Variants in MTCL1 observed in about 807,000 individuals in gnomAD.
MTCL1 encodes the protein microtubule cross-linking factor 1.
A neutral mutation model predicts 141.4 loss-of-function variants in MTCL1; 79 were observed. The ratio of observed to expected loss-of-function variants is 0.56; its 90% CI spans 0.47 to 0.67. The LOEUF is 0.67. Ranked by LOEUF, MTCL1 falls within the 30% of genes least tolerant of loss-of-function variation. MTCL1 has a pLI of 0.00. For missense variants in MTCL1, 2,177 were observed against 2,113.9 expected, an observed-to-expected ratio of 1.03 and a Z score of -0.59; for synonymous variants, 914 against 875.8, an observed-to-expected ratio of 1.04 and a Z score of -0.77.
chr18:8,749,119 C>T (rs760801482), intron 4 of MTCL1, among the ~76,000 whole-genome samples: 1 of 152,190 alleles, frequency 6.6e-6, no homozygotes, highest in African/African-American at 2.4e-5. Context: ...GTGGAGCCTT[C>T]GATCAGCCAG....
At position 8,709,197 on chromosome 18, in the gene MTCL1, G is replaced by A. The variant is rs2096073666; in HGVS notation, c.1053+2484G>A. Among the ~76,000 whole-genome samples, 3 of 131,024 alleles carry A rather than the reference G, an allele frequency of 2.3e-5. No individual in the cohort carries two copies. In the South Asian group the frequency reaches 7.8e-4, roughly 34 times the overall value. The allele number at this position is 131,024 out of a possible 152,430, so 86.0% of individuals were successfully genotyped here. A position where few individuals can be genotyped will look rare whatever the true frequency, so the allele number is the denominator to read the frequency against. On this transcript the variant is annotated intron_variant, in intron 1 of 13. Coordinates refer to the MTCL1 transcript ENST00000306329. Reference sequence around the variant, plus strand: ...TTCAGGGGTATTTTTTCCGTTTTTTGTGGTTTTTTTTTGAAGGGATGGTCT... The same window carrying A: ...TTCAGGGGTATTTTTTCCGTTTTTTATGGTTTTTTTTTGAAGGGATGGTCT...
At position 8,705,670 on chromosome 18, in the gene MTCL1, C is replaced by G; in HGVS notation, c.10C>G (p.Leu4Val). ...GCCGGCGGACCCGGCCATGGAGACA[C>G]TGAACGGCCCCGCGGGCGGAGGTGC... Residue 4 changes from leucine (L) to valine (V), a missense_variant, in exon 1 of 14, where the codon CTG becomes GTG. Coordinates refer to the MTCL1 transcript ENST00000306329. This position sits in a 1 kb window ranked among gnomAD's most constrained non-coding sequence, Gnocchi z 5.2. 8.3e-7 allele frequency: 1 copy of G among 1,201,566 alleles called. No homozygotes were observed. The highest frequency in any genetic ancestry group is 1.6e-5 in the African/African-American group (1 of 62,934). The allele number at this position is 1,201,566 out of a possible 1,614,324, so 74.4% of individuals were successfully genotyped here.
At chr18:8,788,451 C>T (rs544582410) in intron 7 of MTCL1, among the ~76,000 whole-genome samples, 2 of 152,284 alleles carry the variant, frequency 1.3e-5, no homozygotes, top group African/African-American at 4.8e-5. Flanking sequence ...CCTCAAGCTG[C>T]ACTTACAAAA....
chr18:8,819,096 C>T, exon 13 of MTCL1: 1 of 1,614,264 alleles, frequency 6.2e-7, no homozygotes, highest in Non-Finnish European at 8.5e-7. Flanking sequence ...TGTGCAGATG[C>T]TGACTCCATC....
upstream of MTCL1, among the ~76,000 whole-genome samples, chr18:8,716,494 C>T (rs2096128986): frequency 6.6e-6 from 1 of 151,200 alleles, no homozygotes; most frequent in Non-Finnish European, 1.5e-5. Flanking sequence ...TAAGGATTCA[C>T]ATTTTTATTT....
chr18:8,735,742 T>G (rs1029271520), intron 4 of MTCL1, among the ~76,000 whole-genome samples: 6 of 152,072 alleles, frequency 3.9e-5, no homozygotes, highest in African/African-American at 1.5e-4. Context: ...GCTGAGTGTT[T>G]CCCGATGCTC....
chr18:8,813,059 G>C, exon 12 of MTCL1: 1 of 1,614,206 alleles, frequency 6.2e-7, no homozygotes, highest in Non-Finnish European at 8.5e-7. Flanking sequence ...AGGAGAGAGA[G>C]GTGCACCAGA....
At chr18:8,726,530 AGTGC>A (rs2096215499) in intron 4 of MTCL1, among the ~76,000 whole-genome samples, 1 of 112,832 alleles carries the variant, frequency 8.9e-6, no homozygotes, top group Non-Finnish European at 1.7e-5. Context: ...AGAGAGAGCG[AGTGC>A]GCATGCGCGC....
intron 1 of MTCL1, among the ~76,000 whole-genome samples, chr18:8,708,688 T>A (rs527297775): frequency 6.6e-6 from 1 of 152,352 alleles, no homozygotes; most frequent in East Asian, 1.9e-4. Context: ...GGTGAGCTTT[T>A]CTAGGGGCCC....
intron 16 of MTCL1, chr18:8,829,760 G>A (rs776147625): frequency 1.0e-6 from 1 of 985,254 alleles, no homozygotes; most frequent in Non-Finnish European, 1.2e-6. Context: ...CCAGAAACGT[G>A]CTACAGGGGC....
At chr18:8,747,545 T>C (rs1238689414) in intron 4 of MTCL1, among the ~76,000 whole-genome samples, 2 of 152,218 alleles carry the variant, frequency 1.3e-5, no homozygotes, top group African/African-American at 4.8e-5. Context: ...GCCTTCTCTG[T>C]GTGTGTGTCT....
intron 4 of MTCL1, among the ~76,000 whole-genome samples, chr18:8,759,738 T>G (rs1271149466): frequency 1.3e-5 from 2 of 152,136 alleles, no homozygotes; most frequent in African/African-American, 4.8e-5. Flanking sequence ...AATGTCAACG[T>G]GTTATTATAA....
In MTCL1 at chr18:8,711,965, G is replaced by C. The variant is rs114403159; in HGVS notation, c.1053+5252G>C. On this transcript the variant is annotated intron_variant, in intron 1 of 13. Coordinates refer to the MTCL1 transcript ENST00000306329. ...GACAGTCAGACAAGCCGGAGTGCTC[G>C]TTGTCAACATATTAATTATGTTCTC... Among the ~76,000 whole-genome samples the C allele has an allele frequency of 2.8e-3, 423 of 152,252 alleles. 1 individual carries two copies. Among genetic ancestry groups the C allele is most frequent in the African/African-American group, 9.5e-3 (394 of 41,528 alleles).
At chr18:8,733,515 C>T (rs1365762411) in intron 4 of MTCL1, among the ~76,000 whole-genome samples, 1 of 152,158 alleles carries the variant, frequency 6.6e-6, no homozygotes, top group Admixed American at 6.6e-5. Flanking sequence ...AAGCGATTCT[C>T]CTGCCTTGGC....
chr18:8,762,981 A>T (rs2096440643), intron 4 of MTCL1, among the ~76,000 whole-genome samples: 2 of 152,118 alleles, frequency 1.3e-5, no homozygotes, highest in Non-Finnish European at 2.9e-5. Context: ...CCTCTTTGTT[A>T]ATTTCATTCT....
intron 4 of MTCL1, among the ~76,000 whole-genome samples, chr18:8,750,200 C>G (rs1161900528): frequency 2.0e-5 from 3 of 152,010 alleles, no homozygotes; most frequent in African/African-American, 7.2e-5. Flanking sequence ...GCTCATGCCA[C>G]CACACTGGCT....
intron 4 of MTCL1, among the ~76,000 whole-genome samples, chr18:8,758,958 C>G (rs879296150): frequency 2.6e-5 from 4 of 152,202 alleles, no homozygotes; most frequent in Admixed American, 6.5e-5. Context: ...AGTTGAAACA[C>G]CTCCTCCGAA....
At chr18:8,785,901 A>T in intron 6 of MTCL1, 35 bp from the exon 6 acceptor site, 1 of 1,535,162 alleles carries the variant, frequency 6.5e-7, no homozygotes, top group Non-Finnish European at 8.7e-7. Context: ...ATTTTAAAGA[A>T]CAACAACAAC....
upstream of MTCL1, chr18:8,705,609 C>CCGCCGCCGT (rs1387679120): frequency 1.7e-6 from 2 of 1,191,252 alleles, no homozygotes; most frequent in Non-Finnish European, 2.1e-6. The surrounding 1 kb of genome is among the most constrained non-coding windows in gnomAD (Gnocchi z 5.2). Flanking sequence ...GCCGCCGCCG[C>CCGCCGCCGT]CGTCGTCGTC....
Sources: gnomAD v4.1 joint callset for allele counts (sites outside exome capture counted in the v4.1 genomes callset) on GRCh38, gnomAD v4.1.1 for gene constraint, Gnocchi (gnomAD v3.1) non-coding constraint, MANE v1.5 for transcripts, NCBI Gene and HGNC (gene_info 2026-07-23, HGNC 2026-07-21) for gene names.